GNAZ: variants seen among roughly 807,000 people sequenced by gnomAD.
GNAZ encodes guanine nucleotide-binding protein G(z) subunit alpha.
Under a neutral mutation model 25.4 loss-of-function variants are expected in GNAZ, and 3 were observed. The observed-to-expected ratio is 0.12, with a 90% CI of 0.05 to 0.30. The LOEUF is 0.30. GNAZ is among the 10% of genes least tolerant of loss of function. The pLI is 1.00. For synonymous variants in GNAZ, 211 were observed against 205.7 expected, an observed-to-expected ratio of 1.03 and a Z score of -0.22; for missense variants, 241 against 501.8, an observed-to-expected ratio of 0.48 and a Z score of 4.97.
At chr22:23,076,966 G>T (rs1050603963) in intron 1 of GNAZ, among the ~76,000 whole-genome samples, 2 of 152,192 alleles carry the variant, frequency 1.3e-5, no homozygotes, top group African/African-American at 4.8e-5. Flanking sequence ...GGAAGCTCTG[G>T]GCTGGGTCAA....
intron 1 of GNAZ, among the ~76,000 whole-genome samples, chr22:23,079,851 C>T (rs1465850507): frequency 2.0e-5 from 3 of 152,134 alleles, no homozygotes; most frequent in East Asian, 1.9e-4. Context: ...GCAGGGAAGG[C>T]GTGCTGGGCA....
rs773581427 is a variant in GNAZ at position 23,123,205 on chromosome 22, G to A, written c.842G>A (p.Arg281His). 6.8e-6 allele frequency: 11 copies of A among 1,613,700 alleles called. No individual in the cohort carries two copies. Among genetic ancestry groups the A allele is most frequent in the African/African-American group, 1.3e-5 (1 of 74,900 alleles). Residue 281 changes from arginine to histidine, a missense_variant, in exon 3 of 3, where the codon CGC (arginine) becomes CAC (histidine). Arg to His is a conservative substitution (Grantham distance 29). Coordinates refer to ENST00000615612, the MANE Select transcript of GNAZ (RefSeq NM_002073.4). Reference sequence around the variant, plus strand: ...GACCTGCTGGCAGAGAAGATCCGCCGCATCCCGCTCACCATCTGCTTTCCC... The same window carrying A: ...GACCTGCTGGCAGAGAAGATCCGCCACATCCCGCTCACCATCTGCTTTCCC... ...KKDLLAEKIRRIPLTICFPEY... is the reference protein window; with the variant it reads ...KKDLLAEKIRHIPLTICFPEY...
In GNAZ at chr22:23,124,979, T is replaced by C. The variant is rs1328772041; in HGVS notation, c.*1548T>C. ...GTACGGGGGAAAGAGAAGCTGGGGA[T>C]TGGATGAAAGTCAAAGGTTGTCTAC... On this transcript the variant is annotated 3_prime_UTR_variant, in exon 3 of 3. Coordinates refer to ENST00000615612, the MANE Select transcript of GNAZ (RefSeq NM_002073.4). 6.6e-6 allele frequency: 1 copy of C among 152,238 alleles called. No individual in the cohort carries two copies. The highest frequency in any genetic ancestry group is 1.5e-5 in the Non-Finnish European group (1 of 68,150). 9.4% of individuals were successfully genotyped at this position (152,238 alleles called of 1,614,324 possible).
intron 2 of GNAZ, among the ~76,000 whole-genome samples, chr22:23,108,421 A>G (rs2146353734): frequency 6.6e-6 from 1 of 152,370 alleles, no homozygotes; most frequent in Non-Finnish European, 1.5e-5. Flanking sequence ...AACCCAAAAG[A>G]GCAGCCCATG....
At chr22:23,110,661 C>T (rs1483773662) in intron 2 of GNAZ, among the ~76,000 whole-genome samples, 1 of 152,258 alleles carries the variant, frequency 6.6e-6, no homozygotes, top group African/African-American at 2.4e-5. Flanking sequence ...TCAGCAGCTT[C>T]ACCTGCCACT....
At chr22:23,076,133 G>C (rs1248909304) in intron 1 of GNAZ, among the ~76,000 whole-genome samples, 2 of 152,228 alleles carry the variant, frequency 1.3e-5, no homozygotes, top group East Asian at 3.8e-4. Context: ...CCCTGCTCCA[G>C]ACAGGGCTGG....
At position 23,124,213 on chromosome 22, in the gene GNAZ, G is replaced by GTTT; in HGVS notation, c.*782_*783insTTT. ...ACATTTTTTTTTTGTTTTGTTTTTT[G>GTTT]GTTTTTTTTTTTTTTTGGCCAAATC... is the stretch of plus-strand genomic sequence containing the variant. On this transcript the variant is annotated 3_prime_UTR_variant, in exon 3 of 3. Transcript: ENST00000615612. 5.6e-6 allele frequency: 1 copy of GTTT among 179,642 alleles called. No homozygotes were observed. The highest frequency in any genetic ancestry group is 1.2e-5 in the Non-Finnish European group (1 of 82,754). 11.1% of individuals were successfully genotyped at this position (179,642 alleles called of 1,614,324 possible).
chr22:23,113,768 C>A (rs2069729826), intron 2 of GNAZ, among the ~76,000 whole-genome samples: 1 of 152,204 alleles, frequency 6.6e-6, no homozygotes, highest in Admixed American at 6.5e-5. Context: ...TGTCCCAGAC[C>A]CCCTCGGCAG....
intron 1 of GNAZ, among the ~76,000 whole-genome samples, chr22:23,092,333 C>G (rs1457013695): frequency 6.6e-6 from 1 of 152,194 alleles, no homozygotes; most frequent in Non-Finnish European, 1.5e-5. Flanking sequence ...CGCAAGGCTT[C>G]CTTACATCCG....
intron 2 of GNAZ, among the ~76,000 whole-genome samples, chr22:23,118,660 C>A (rs2069922702): frequency 6.6e-6 from 1 of 152,222 alleles, no homozygotes. Flanking sequence ...GCCATGGGGT[C>A]ATGGTTGGCA....
At chr22:23,116,104 C>T (rs2146379732) in intron 2 of GNAZ, among the ~76,000 whole-genome samples, 1 of 152,376 alleles carries the variant, frequency 6.6e-6, no homozygotes, top group African/African-American at 2.4e-5. Flanking sequence ...TGCCCAGGAC[C>T]ACGTCTGTGT....
intron 1 of GNAZ, among the ~76,000 whole-genome samples, chr22:23,089,870 C>T (rs1366462877): frequency 6.6e-6 from 1 of 152,096 alleles, no homozygotes; most frequent in Non-Finnish European, 1.5e-5. Flanking sequence ...AGCCTACAGC[C>T]AAGAGATGCT....
At chr22:23,081,229 G>A (rs2068668865) in intron 1 of GNAZ, among the ~76,000 whole-genome samples, 1 of 152,214 alleles carries the variant, frequency 6.6e-6, no homozygotes, top group African/African-American at 2.4e-5. Context: ...CACCTCACTT[G>A]TGTTGGAAAA....
intron 1 of GNAZ, among the ~76,000 whole-genome samples, chr22:23,077,745 C>G (rs1199830312): frequency 1.3e-5 from 2 of 152,176 alleles, no homozygotes; most frequent in Non-Finnish European, 2.9e-5. Context: ...GCTGGGAAAA[C>G]CTTCCAAGCT....
chr22:23,074,716 C>A (rs953416900), intron 1 of GNAZ, among the ~76,000 whole-genome samples: 1 of 152,128 alleles, frequency 6.6e-6, no homozygotes, highest in African/African-American at 2.4e-5. Flanking sequence ...TGAGGATTGA[C>A]GGGCAAGTGA....
At chr22:23,075,645 G>A (rs2068489297) in intron 1 of GNAZ, among the ~76,000 whole-genome samples, 1 of 152,226 alleles carries the variant, frequency 6.6e-6, no homozygotes, top group Non-Finnish European at 1.5e-5. Flanking sequence ...AAAAGCCACA[G>A]TGCAGGGAGG....
intron 1 of GNAZ, 40 bp downstream of exon 1, chr22:23,070,610 C>CCGCTGAGT (rs1490002666): frequency 4.6e-5 from 7 of 152,328 alleles, no homozygotes; most frequent in Non-Finnish European, 7.3e-5. Context: ...CGCCGCTGAG[C>CCGCTGAGT]CTCAGGGGTC....
At chr22:23,111,853 A>C (rs1278709481) in intron 2 of GNAZ, among the ~76,000 whole-genome samples, 1 of 152,180 alleles carries the variant, frequency 6.6e-6, no homozygotes, top group Non-Finnish European at 1.5e-5. Flanking sequence ...TCCCGGTGGC[A>C]GTGGGCAGTG....
chr22:23,117,292 C>G (rs1050102747), intron 2 of GNAZ, among the ~76,000 whole-genome samples: 17 of 152,170 alleles, frequency 1.1e-4, no homozygotes, highest in Admixed American at 2.0e-4. Flanking sequence ...TAAGTAAGGT[C>G]CAGGTGGCTG....
Sources: allele counts gnomAD v4.1 joint callset (sites outside exome capture counted in the v4.1 genomes callset), GRCh38; gene constraint gnomAD v4.1.1; transcripts MANE v1.5; gene names NCBI Gene and HGNC (gene_info 2026-07-23, HGNC 2026-07-21).